The following ZNG1E variants were observed in gnomAD, a reference collection of about 807,000 sequenced individuals.
ZNG1E encodes the protein Zn regulated GTPase metalloprotein activator 1E.
chr9:65,676,627 C>A, the ZNG1E span, among the ~76,000 whole-genome samples: 1 of 151,648 alleles, frequency 6.6e-6, no homozygotes, highest in African/African-American at 2.4e-5. Flanking sequence ...GGAAGTGCTC[C>A]TATCTTAAAC....
At chr9:65,671,753 G>A in the ZNG1E span, among the ~76,000 whole-genome samples, 23 of 149,410 alleles carry the variant, frequency 1.5e-4, no homozygotes, top group African/African-American at 5.4e-4. Flanking sequence ...CGTCTATTTT[G>A]GGACCTGTTT....
the ZNG1E span, chr9:65,691,024 A>G: frequency 2.5e-6 from 4 of 1,598,786 alleles, no homozygotes; most frequent in Admixed American, 1.8e-5. Flanking sequence ...ATTTACCTTG[A>G]TGGTAAGTTA....
the ZNG1E span, among the ~76,000 whole-genome samples, chr9:65,715,082 G>A: frequency 4.1e-4 from 62 of 149,456 alleles, no homozygotes; most frequent in Admixed American, 9.3e-4. Flanking sequence ...CGAGCCAGGT[G>A]TGGGACACAA....
chr9:65,672,183 A>C, the ZNG1E span, among the ~76,000 whole-genome samples: 1 of 150,600 alleles, frequency 6.6e-6, no homozygotes. Flanking sequence ...AATAGTATTT[A>C]CCTTGGAGAG....
At chr9:65,716,250 G>A in the ZNG1E span, among the ~76,000 whole-genome samples, 4 of 44,922 alleles carry the variant, frequency 8.9e-5, 2 homozygotes, top group Non-Finnish European at 2.2e-4. Flanking sequence ...AACCTCCTGG[G>A]CTCAAGTGAT....
chr9:65,687,647 A>G, the ZNG1E span, among the ~76,000 whole-genome samples: 1 of 150,254 alleles, frequency 6.7e-6, no homozygotes, highest in Non-Finnish European at 1.5e-5. Context: ...TTAATGCTTG[A>G]GAATGTCTGT....
chr9:65,675,548 A>G, the ZNG1E span, among the ~76,000 whole-genome samples: 3 of 149,568 alleles, frequency 2.0e-5, no homozygotes, highest in African/African-American at 7.6e-5. Flanking sequence ...AGACTAAAAA[A>G]TCAAGTTGAT....
the ZNG1E span, among the ~76,000 whole-genome samples, chr9:65,662,005 C>T: frequency 9.8e-4 from 149 of 152,254 alleles, no homozygotes; most frequent in East Asian, 0.016. Flanking sequence ...AGTATCTCCC[C>T]ATCAGGTACT....
the ZNG1E span, among the ~76,000 whole-genome samples, chr9:65,685,035 C>A: frequency 7.3e-6 from 1 of 136,064 alleles, no homozygotes; most frequent in East Asian, 2.1e-4. Flanking sequence ...GCATGAGACC[C>A]CATTTCTTAA....
the ZNG1E span, among the ~76,000 whole-genome samples, chr9:65,709,355 AT>A: frequency 2.7e-5 from 4 of 150,660 alleles, 1 homozygote; most frequent in African/African-American, 9.9e-5. Context: ...AAATTTATTT[AT>A]TTATTATTAT....
chr9:65,659,494 C>CAAAAA, the ZNG1E span, among the ~76,000 whole-genome samples: 908 of 113,518 alleles, frequency 8.0e-3, 5 homozygotes, highest in African/African-American at 0.028. Flanking sequence ...GACTCCGTCT[C>CAAAAA]AAAAAAAAAA....
At chr9:65,671,923 G>GCT in the ZNG1E span, among the ~76,000 whole-genome samples, 1 of 138,628 alleles carries the variant, frequency 7.2e-6, no homozygotes, top group South Asian at 2.4e-4. Context: ...GTAGACATTT[G>GCT]CTCTCTCTCT....
At chr9:65,668,047 A>G in the ZNG1E span, among the ~76,000 whole-genome samples, 1 of 145,502 alleles carries the variant, frequency 6.9e-6, no homozygotes, top group South Asian at 2.3e-4. Flanking sequence ...TGAGAAGGAA[A>G]GAGTATCAGT....
At chr9:65,657,458 T>C in the ZNG1E span, among the ~76,000 whole-genome samples, 1 of 152,392 alleles carries the variant, frequency 6.6e-6, no homozygotes, top group African/African-American at 2.4e-5. Flanking sequence ...TTAAGTGAAA[T>C]AAGCCAGGCC....
At chr9:65,684,472 G>A in the ZNG1E span, among the ~76,000 whole-genome samples, 1 of 152,354 alleles carries the variant, frequency 6.6e-6, no homozygotes, top group South Asian at 2.1e-4. Flanking sequence ...GGGAGGCGGA[G>A]GTTGCGGTGA....
chr9:65,684,678 T>C, the ZNG1E span, among the ~76,000 whole-genome samples: 1 of 152,076 alleles, frequency 6.6e-6, no homozygotes, highest in Non-Finnish European at 1.5e-5. Context: ...TGGGAGCTTG[T>C]TAGAAATGCA....
At chr9:65,721,120 A>C in the ZNG1E span, among the ~76,000 whole-genome samples, 1 of 147,580 alleles carries the variant, frequency 6.8e-6, no homozygotes, top group East Asian at 1.9e-4. Context: ...CTCACTTACC[A>C]TGAACATTTG....
At chr9:65,657,964 C>A in the ZNG1E span, among the ~76,000 whole-genome samples, 4 of 149,298 alleles carry the variant, frequency 2.7e-5, no homozygotes, top group East Asian at 2.0e-4. Context: ...CTGGGCATGG[C>A]GGCTCATTCC....
At chr9:65,668,276 A>T in the ZNG1E span, among the ~76,000 whole-genome samples, 146 of 150,836 alleles carry the variant, frequency 9.7e-4, no homozygotes, top group Non-Finnish European at 1.8e-3. Context: ...ACAGAAAAAT[A>T]CCTAACATGG....
Sources: gnomAD v4.1 joint callset for allele counts (sites outside exome capture counted in the v4.1 genomes callset) on GRCh38, gnomAD v4.1.1 for gene constraint, MANE v1.5 for transcripts, NCBI Gene and HGNC (gene_info 2026-07-23, HGNC 2026-07-21) for gene names.